The following TRIM75 variants were observed in gnomAD, a reference collection of about 807,000 sequenced individuals.
The protein encoded by TRIM75 is tripartite motif-containing protein 75.
At chr4:165,056,152 T>A in the TRIM75 span, among the ~76,000 whole-genome samples, 1 of 151,738 alleles carries the variant, frequency 6.6e-6, no homozygotes, top group Non-Finnish European at 1.5e-5. Flanking sequence ...GGAGACCCCA[T>A]CTCTTTAAAA....
chr4:165,059,893 T>C, the TRIM75 span: 2 of 779,352 alleles, frequency 2.6e-6, no homozygotes, highest in Non-Finnish European at 4.8e-6. Flanking sequence ...CTGGAATTGC[T>C]GTCACAAATT....
At chr4:165,057,515 T>A in the TRIM75 span, among the ~76,000 whole-genome samples, 12 of 152,280 alleles carry the variant, frequency 7.9e-5, no homozygotes, top group African/African-American at 2.2e-4. Context: ...AAAAACTTTT[T>A]AAGTATTTTT....
the TRIM75 span, chr4:165,059,050 G>C: frequency 4.9e-5 from 31 of 627,452 alleles, no homozygotes; most frequent in South Asian, 5.8e-4. Context: ...GAAGGACAGT[G>C]AGATCTAAGA....
At chr4:165,058,952 A>T in the TRIM75 span, among the ~76,000 whole-genome samples, 1 of 152,150 alleles carries the variant, frequency 6.6e-6, no homozygotes, top group Non-Finnish European at 1.5e-5. Context: ...AGTTGGAATT[A>T]AAGGGTCCGA....
the TRIM75 span, among the ~76,000 whole-genome samples, chr4:165,054,614 G>C: frequency 6.6e-6 from 1 of 151,950 alleles, no homozygotes; most frequent in African/African-American, 2.4e-5. Flanking sequence ...TGGCCAGGTT[G>C]GTCTCGAACC....
the TRIM75 span, chr4:165,060,347 T>A: frequency 1.3e-6 from 1 of 780,938 alleles, no homozygotes; most frequent in South Asian, 1.3e-5. Context: ...CAGGGGCTTT[T>A]CCAACCCCTC....
the TRIM75 span, among the ~76,000 whole-genome samples, chr4:165,056,602 CTTTTTTTTTTTTTTTTTTTTT>C: frequency 5.7e-5 from 4 of 69,962 alleles, 1 homozygote; most frequent in Non-Finnish European, 3.0e-5. Flanking sequence ...GTCTCTGTCT[CTTTTTTTTTTTTTTTTTTTTT>C]TTTTTTTTTG....
chr4:165,057,389 A>G, the TRIM75 span, among the ~76,000 whole-genome samples: 1 of 152,304 alleles, frequency 6.6e-6, no homozygotes, highest in South Asian at 2.1e-4. Context: ...TCATGCACTG[A>G]GTGACCAAAA....
the TRIM75 span, among the ~76,000 whole-genome samples, chr4:165,057,520 A>T: frequency 3.3e-5 from 5 of 152,042 alleles, no homozygotes; most frequent in Admixed American, 6.6e-5. Flanking sequence ...CTTTTTAAGT[A>T]TTTTTTTGTT....
At chr4:165,054,664 T>C in the TRIM75 span, among the ~76,000 whole-genome samples, 2 of 152,136 alleles carry the variant, frequency 1.3e-5, no homozygotes, top group African/African-American at 2.4e-5. Flanking sequence ...CCTCCCAAAG[T>C]GCTGGGATTG....
At chr4:165,054,103 A>AT in the TRIM75 span, among the ~76,000 whole-genome samples, 4 of 151,644 alleles carry the variant, frequency 2.6e-5, no homozygotes, top group Middle Eastern at 3.4e-3. Flanking sequence ...ATTTTCATTT[A>AT]TTTTTTTGAG....
chr4:165,059,637 A>G, the TRIM75 span: 6 of 780,878 alleles, frequency 7.7e-6, no homozygotes, highest in South Asian at 5.4e-5. Context: ...ATTAATAAGC[A>G]CTCAAAGCAA....
At chr4:165,054,678 G>T in the TRIM75 span, among the ~76,000 whole-genome samples, 13 of 152,182 alleles carry the variant, frequency 8.5e-5, no homozygotes, top group Admixed American at 7.9e-4. Flanking sequence ...GGGATTGCAG[G>T]CATGAACTAC....
At chr4:165,056,602 C>CTGTCTCTTTTTT in the TRIM75 span, among the ~76,000 whole-genome samples, 2 of 69,992 alleles carry the variant, frequency 2.9e-5, no homozygotes, top group African/African-American at 4.4e-5. Context: ...GTCTCTGTCT[C>CTGTCTCTTTTTT]TTTTTTTTTT....
At chr4:165,054,698 G>A in the TRIM75 span, among the ~76,000 whole-genome samples, 2 of 152,058 alleles carry the variant, frequency 1.3e-5, no homozygotes, top group African/African-American at 4.8e-5. Context: ...CCGCGCCTGC[G>A]GCATAAGGTT....
the TRIM75 span, among the ~76,000 whole-genome samples, chr4:165,053,913 G>T: frequency 6.6e-6 from 1 of 151,466 alleles, no homozygotes; most frequent in African/African-American, 2.4e-5. Context: ...CCTTTTGCAC[G>T]GATAAAGGAC....
the TRIM75 span, among the ~76,000 whole-genome samples, chr4:165,058,832 T>TAGGAA: frequency 6.6e-6 from 1 of 152,184 alleles, no homozygotes; most frequent in Non-Finnish European, 1.5e-5. Context: ...GCTGTTTTCC[T>TAGGAA]AACAGCTGCT....
chr4:165,054,137 G>A, the TRIM75 span, among the ~76,000 whole-genome samples: 1 of 152,006 alleles, frequency 6.6e-6, no homozygotes, highest in Non-Finnish European at 1.5e-5. Context: ...CTGTGACCCA[G>A]GCTGGAGTGC....
At chr4:165,060,531 T>C in the TRIM75 span, 5 of 775,192 alleles carry the variant, frequency 6.5e-6, no homozygotes, top group Non-Finnish European at 1.2e-5. Flanking sequence ...TCTCAGAATC[T>C]GTACAGGGAC....
Sources: allele counts gnomAD v4.1 joint callset (sites outside exome capture counted in the v4.1 genomes callset), GRCh38; gene constraint gnomAD v4.1.1; transcripts MANE v1.5; gene names NCBI Gene and HGNC (gene_info 2026-07-23, HGNC 2026-07-21).